The following UNC13B variants were observed in gnomAD, a reference collection of about 807,000 sequenced individuals.
The protein encoded by UNC13B is unc-13 homolog B.
In UNC13B, 144 loss-of-function variants were observed where a neutral mutation model predicts 211.0. That is an observed-to-expected ratio of 0.68 (90% CI 0.60 to 0.78). The LOEUF is 0.78. Ranked by LOEUF, UNC13B falls within the 30% of genes least tolerant of loss-of-function variation. The pLI, the probability that UNC13B is intolerant of heterozygous loss-of-function variation, is 0.00. For missense variants in UNC13B, 1,777 were observed against 2,002.0 expected (o/e 0.89, Z 2.14); for synonymous variants, 709 against 725.8 (o/e 0.98, Z 0.37).
intron 7 of UNC13B, among the ~76,000 whole-genome samples, chr9:35,281,756 C>T (rs1033220581): frequency 7.2e-5 from 11 of 152,182 alleles, no homozygotes; most frequent in African/African-American, 2.7e-4. Flanking sequence ...CTATTCATTT[C>T]TACCTCTCCC....
At chr9:35,215,043 T>C (rs1002013510) in intron 1 of UNC13B, among the ~76,000 whole-genome samples, 3 of 152,062 alleles carry the variant, frequency 2.0e-5, no homozygotes, top group Non-Finnish European at 4.4e-5. Context: ...AAGAGGGAAA[T>C]TGAAATGAGA....
intron 11 of UNC13B, chr9:35,351,533 C>T (rs1832719508): frequency 6.5e-6 from 8 of 1,232,304 alleles, no homozygotes; most frequent in Non-Finnish European, 8.1e-6. Context: ...GAAAATGAAG[C>T]GATTGTTGCA....
intron 7 of UNC13B, among the ~76,000 whole-genome samples, chr9:35,289,948 C>A (rs1829005353): frequency 6.6e-6 from 1 of 152,154 alleles, no homozygotes; most frequent in African/African-American, 2.4e-5. Context: ...CGCACTCCAA[C>A]CTGGGTGACA....
At position 35,184,153 on chromosome 9, in the gene UNC13B, G is replaced by T. The variant is rs1053191971; in HGVS notation, c.22+21848G>T. Among the ~76,000 whole-genome samples the T allele has an allele frequency of 3.3e-5, 5 of 150,822 alleles. No individual in the cohort carries two copies. In the East Asian group the frequency reaches 6.0e-4, roughly 18 times the overall value. ...AGACACTCCTCACTTCGCAGACAGGGTGGCGGCCAGGCAGAGGCGCCCCTC... is the reference window on the plus strand; with the variant it reads ...AGACACTCCTCACTTCGCAGACAGGTTGGCGGCCAGGCAGAGGCGCCCCTC... On this transcript the variant is annotated intron_variant, in intron 1 of 39. Coordinates refer to ENST00000635942, the MANE Select transcript of UNC13B (RefSeq NM_001371189.2).
intron 7 of UNC13B, among the ~76,000 whole-genome samples, chr9:35,280,564 A>T (rs1030494831): frequency 6.6e-6 from 1 of 152,144 alleles, no homozygotes; most frequent in Non-Finnish European, 1.5e-5. Flanking sequence ...AAGGCAGTGC[A>T]ATGGGTCTAG....
chr9:35,370,013 T>C (rs1366429069), intron 12 of UNC13B, among the ~76,000 whole-genome samples: 2 of 152,230 alleles, frequency 1.3e-5, no homozygotes, highest in Non-Finnish European at 2.9e-5. Flanking sequence ...CCTTGCCTTA[T>C]GGAGCATAAA....
Position 35,302,515 on chromosome 9 carries a change from C to T in UNC13B, c.3111C>T (p.Ala1037=), listed in dbSNP as rs1829735796. 1 of 398,464 alleles carries T rather than the reference C, an allele frequency of 2.5e-6. No homozygotes were observed. The highest frequency in any genetic ancestry group is 1.3e-4 in the South Asian group (1 of 7,818). 24.7% of individuals were successfully genotyped at this position (398,464 alleles called of 1,614,324 possible). Residue 1037 remains alanine, a synonymous_variant, in exon 9 of 40, where the codon GCC becomes GCT. Transcript: ENST00000635942. ...QNDQINSPED[A]KFNIIKSDSV... is the part of the protein sequence containing the mutation. ...ACCAAATAAATAGTCCTGAAGATGC[C>T]AAATTTAATATAATAAAGTCTGATT...
At position 35,231,763 on chromosome 9, in the gene UNC13B, C is replaced by T. The variant is rs192506419; in HGVS notation, c.152+544C>T. Among the ~76,000 whole-genome samples the T allele has an allele frequency of 3.3e-5, 5 of 152,162 alleles. No homozygotes were observed. In the East Asian group the frequency reaches 9.6e-4, roughly 29 times the overall value. The stretch of plus-strand genomic sequence containing the variant: ...AAATGAATAAATATTAGTAGAATTT[C>T]TCGTGTATGACAAAGTTTAGTATAT... On this transcript the variant is annotated intron_variant, in intron 3 of 39. Coordinates refer to ENST00000635942, the MANE Select transcript of UNC13B (RefSeq NM_001371189.2).
chr9:35,208,897 TACTG>T (rs1346362228), intron 1 of UNC13B, among the ~76,000 whole-genome samples: 1 of 152,244 alleles, frequency 6.6e-6, no homozygotes, highest in Non-Finnish European at 1.5e-5. Context: ...TTATGATCCT[TACTG>T]ACTTTACTAC....
intron 31 of UNC13B, 125 bp from the exon 32 acceptor site, chr9:35,398,429 C>T (rs904083465): frequency 1.5e-5 from 20 of 1,335,230 alleles, no homozygotes; most frequent in Admixed American, 9.0e-5. Context: ...GGTAGGCATT[C>T]GGGTAAGGCC....
intron 1 of UNC13B, among the ~76,000 whole-genome samples, chr9:35,199,018 AC>A (rs1697268279): frequency 1.3e-5 from 2 of 152,058 alleles, no homozygotes; most frequent in South Asian, 4.1e-4. Context: ...CGCTCCCCCT[AC>A]TGCACGACAG....
intron 1 of UNC13B, among the ~76,000 whole-genome samples, chr9:35,171,162 C>G (rs1392529837): frequency 6.6e-6 from 1 of 151,142 alleles, no homozygotes; most frequent in African/African-American, 2.4e-5. Context: ...AATGCAGTGG[C>G]TCAATCTTGG....
In UNC13B at chr9:35,319,311, G is replaced by A. The variant is rs1318783045; in HGVS notation, c.9414+5322G>A. ...CCAGCTACTTGGGAGGCTGAGGCAG[G>A]AGAATTGCCTGAACCCGGGAAGCAG... On this transcript the variant is annotated intron_variant, in intron 11 of 39. Coordinates refer to ENST00000635942, the MANE Select transcript of UNC13B (RefSeq NM_001371189.2). 2.9e-4 allele frequency among the ~76,000 whole-genome samples: 43 copies of A among 146,280 alleles called. No individual in the cohort carries two copies. In the Admixed American group the frequency reaches 3.0e-3, roughly 10 times the overall value.
chr9:35,306,696 C>T lies in UNC13B; in HGVS notation c.7292C>T (p.Pro2431Leu), dbSNP rs1829941324. 1 of 398,936 alleles carries T rather than the reference C, an allele frequency of 2.5e-6. No individual in the cohort carries two copies. The highest frequency in any genetic ancestry group is 2.1e-5 in the African/African-American group (1 of 48,616). The allele number at this position is 398,936 out of a possible 1,614,324, so 24.7% of individuals were successfully genotyped here. Residue 2431 changes from proline (P) to leucine (L), a missense_variant, in exon 9 of 40, where the codon CCA (proline) becomes CTA (leucine). Coordinates refer to ENST00000635942, the MANE Select transcript of UNC13B (RefSeq NM_001371189.2). ...GAGCCAGCCTCTTCCTCTCCAGAGC[C>T]AGGGTGTGCAGGGAACCTTCAGAAC... ...ILEPASSSPEPGCAGNLQNQD... is the reference protein window; with the variant it reads ...ILEPASSSPELGCAGNLQNQD...
At chr9:35,299,869 C>T (rs1829585479) in intron 8 of UNC13B, among the ~76,000 whole-genome samples, 1 of 152,152 alleles carries the variant, frequency 6.6e-6, no homozygotes, top group Non-Finnish European at 1.5e-5. Context: ...TCAGACAAGG[C>T]TCACAGGCTA....
In UNC13B at chr9:35,403,618, A is replaced by G. The variant is rs1230648769; in HGVS notation, c.12737+19A>G. On this transcript the variant is annotated intron_variant, in intron 39 of 39. Coordinates refer to ENST00000635942, the MANE Select transcript of UNC13B (RefSeq NM_001371189.2). ...TCCACTTGTAAGTTACGGGGGGGAC[A>G]TACAGGACTCTGGGATGGGGGTAAG... 1 of 1,366,678 alleles carries G rather than the reference A, an allele frequency of 7.3e-7. No homozygotes were observed. The highest frequency in any genetic ancestry group is 9.7e-7 in the Non-Finnish European group (1 of 1,027,226). 84.7% of individuals were successfully genotyped at this position (1,366,678 alleles called of 1,614,324 possible).
intron 11 of UNC13B, among the ~76,000 whole-genome samples, chr9:35,347,685 TTTTG>T (rs1218036998): frequency 2.0e-5 from 3 of 152,194 alleles, no homozygotes; most frequent in Admixed American, 6.5e-5. Flanking sequence ...GTGTGGAGGC[TTTTG>T]TTTGTTTAAT....
At chr9:35,243,449 G>A in intron 6 of UNC13B, 85 bp downstream of exon 6, 1 of 1,376,284 alleles carries the variant, frequency 7.3e-7, no homozygotes, top group East Asian at 2.3e-5. Context: ...GGGCCCAAGA[G>A]CATGTTGTCC....
In UNC13B at chr9:35,396,570, T is replaced by C; in HGVS notation, c.11403T>C (p.Pro3801=). ...WLHNEYVRDL[P]VLQGQVPEYP... ...ACAATGAATACGTGCGGGATCTGCCTGTCCTCCAGGGGCAGGTGCCTGAGT... is the reference window on the plus strand; with the variant it reads ...ACAATGAATACGTGCGGGATCTGCCCGTCCTCCAGGGGCAGGTGCCTGAGT... The change falls in exon 27 of 40, where the codon CCT becomes CCC. Residue 3801 remains proline, a synonymous_variant. Coordinates refer to ENST00000635942, the MANE Select transcript of UNC13B (RefSeq NM_001371189.2). 6.2e-7 allele frequency: 1 copy of C among 1,614,060 alleles called. No individual in the cohort carries two copies.
Sources: gnomAD v4.1 joint callset for allele counts (sites outside exome capture counted in the v4.1 genomes callset) on GRCh38, gnomAD v4.1.1 for gene constraint, MANE v1.5 for transcripts, NCBI Gene and HGNC (gene_info 2026-07-23, HGNC 2026-07-21) for gene names.